Variants in TET1 observed in about 807,000 individuals in gnomAD.
TET1 encodes the protein tet methylcytosine dioxygenase 1.
In TET1, 13 loss-of-function variants were observed where a neutral mutation model predicts 148.7. The observed-to-expected ratio is 0.09, with a 90% confidence interval of 0.06 to 0.14. The LOEUF (loss-of-function observed/expected upper bound fraction) is 0.14. TET1 is among the 10% of genes least tolerant of loss of function. TET1 has a pLI of 1.00. For missense variants in TET1, 2,182 were observed against 2,553.8 expected (o/e 0.85, Z 3.14); for synonymous variants, 907 against 937.2 (o/e 0.97, Z 0.59).
rs2053696153 is a variant in TET1, at chr10:68,573,669, A to G, written c.1331A>G (p.Asn444Ser). 2 of 1,613,982 alleles carry G rather than the reference A, an allele frequency of 1.2e-6. No homozygotes were observed. The highest frequency in any genetic ancestry group is 1.7e-6 in the Non-Finnish European group (2 of 1,180,004). ...PVPPNPIATF[N>S]APSKWPEPQS... ...CCTCCAAATCCAATTGCTACCTTTA[A>G]TGCTCCTTCCAAATGGCCTGAGCCC... is the stretch of plus-strand genomic sequence containing the variant. Residue 444 changes from asparagine to serine, a missense_variant, in exon 2 of 12, where the codon AAT becomes AGT. By Grantham distance (46) the Asn-to-Ser change is conservative. Transcript: ENST00000373644.
At chr10:68,673,935 C>CTTTTTTTTTTTTTT (rs11381293) in intron 8 of TET1, among the ~76,000 whole-genome samples, 3 of 120,272 alleles carry the variant, frequency 2.5e-5, no homozygotes, top group African/African-American at 9.3e-5. Context: ...CTTTCTTTTT[C>CTTTTTTTTTTTTTT]TTTTTTTTTT....
intron 6 of TET1, among the ~76,000 whole-genome samples, chr10:68,655,822 C>A (rs1294062771): frequency 2.6e-5 from 4 of 152,114 alleles, no homozygotes; most frequent in Admixed American, 6.5e-5. Context: ...GACTCCAACC[C>A]CTGAGCCATG....
At chr10:68,597,467 A>T (rs2054002187) in intron 2 of TET1, among the ~76,000 whole-genome samples, 1 of 152,236 alleles carries the variant, frequency 6.6e-6, no homozygotes, top group South Asian at 2.1e-4. Context: ...CATAATGTGT[A>T]ACTGAAATGC....
chr10:68,629,746 C>G (rs1363033345), intron 3 of TET1, among the ~76,000 whole-genome samples: 2 of 152,130 alleles, frequency 1.3e-5, no homozygotes, highest in East Asian at 3.9e-4. Flanking sequence ...CCATGTTGGC[C>G]AGGATGGTCT....
chr10:68,591,906 AAAAC>A (rs371466447), intron 2 of TET1, among the ~76,000 whole-genome samples: 10,227 of 151,586 alleles, frequency 0.067, 411 homozygotes, highest in Non-Finnish European at 0.082. Flanking sequence ...CTCCCTCTCA[AAAAC>A]AAACAAACAA....
intron 3 of TET1, among the ~76,000 whole-genome samples, chr10:68,616,234 C>T (rs2664421): frequency 0.22 from 32,720 of 151,970 alleles, 3,777 homozygotes; most frequent in South Asian, 0.32. Flanking sequence ...GTAATTCAGA[C>T]GCTCATTATG....
rs200074832 is a variant in TET1, at chr10:68,691,125, G to T, written c.5722G>T (p.Ala1908Ser). Residue 1908 changes from alanine to serine, a missense_variant, in exon 12 of 12, where the codon GCT (alanine) becomes TCT (serine). Around this residue, in one of 11 missense-constraint regions of TET1, gnomAD observed 380 missense variants for 387.9 expected, o/e 0.98. Transcript: ENST00000373644. This position sits in a 1 kb window ranked among gnomAD's most constrained non-coding sequence, Gnocchi z 4.4. ...GPGISQLGEV[A>S]PLPTLSAPVM... Reference sequence around the variant, plus strand: ...TGGCATTTCACAGCTTGGCGAAGTGGCTCCTCTCCCCACCCTGTCTGCTCC... The same window carrying T: ...TGGCATTTCACAGCTTGGCGAAGTGTCTCCTCTCCCCACCCTGTCTGCTCC... The T allele has an allele frequency of 1.7e-5, 28 of 1,614,192 alleles. No homozygotes were observed. In the African/African-American group the frequency reaches 2.8e-4, roughly 16 times the overall value.
chr10:68,674,218 G>C (rs536698763), intron 8 of TET1: 1 of 153,504 alleles, frequency 6.5e-6, no homozygotes, highest in South Asian at 2.0e-4. Context: ...TGTAGTCCCA[G>C]CTACTAAGGA....
chr10:68,685,327 G>A (rs1169917939), intron 10 of TET1, among the ~76,000 whole-genome samples: 2 of 151,990 alleles, frequency 1.3e-5, no homozygotes, highest in Non-Finnish European at 2.9e-5. Flanking sequence ...AAAATGCTTT[G>A]GAAATCAAAT....
intron 3 of TET1, among the ~76,000 whole-genome samples, chr10:68,621,371 C>T (rs2054368616): frequency 6.6e-6 from 1 of 152,010 alleles, no homozygotes; most frequent in African/African-American, 2.4e-5. Context: ...GCCTCCTGAG[C>T]TCAGGAGTTT....
chr10:68,623,709 G>GT (rs1193887243), intron 3 of TET1, among the ~76,000 whole-genome samples: 1 of 152,218 alleles, frequency 6.6e-6, no homozygotes, highest in African/African-American at 2.4e-5. Context: ...GGTAAAGTGT[G>GT]TAGAAATTCA....
rs1344337914 is a variant in TET1, at chr10:68,568,098, G to C, written c.-122-4119G>C. Among the ~76,000 whole-genome samples the C allele has an allele frequency of 2.0e-5, 3 of 151,772 alleles. No individual in the cohort carries two copies. The East Asian group carries it at 5.8e-4, about 30-fold the overall frequency. On this transcript the variant is annotated intron_variant, in intron 1 of 11. Transcript: ENST00000373644. Reference sequence around the variant, plus strand: ...TCTCCATGTTGGTCAAGCTGCTCTCGAACTCCCAACCTCAGGTGATCCACC... The same window carrying C: ...TCTCCATGTTGGTCAAGCTGCTCTCCAACTCCCAACCTCAGGTGATCCACC...
intron 2 of TET1, among the ~76,000 whole-genome samples, chr10:68,598,969 G>A (rs1166332295): frequency 6.6e-6 from 1 of 152,102 alleles, no homozygotes; most frequent in African/African-American, 2.4e-5. Flanking sequence ...TTACAGGCGT[G>A]AGCCACTGTG....
In TET1 at chr10:68,584,079, G is replaced by A. The variant is rs370805760; in HGVS notation, c.1914+9827G>A. Among the ~76,000 whole-genome samples the A allele has an allele frequency of 2.5e-3, 366 of 149,310 alleles. 2 individuals carry two copies. Among genetic ancestry groups the A allele is most frequent in the African/African-American group, 8.5e-3 (345 of 40,580 alleles). ...TTTTTTGAGACAGTCTTGCTTTGTC[G>A]CCCAGGCTAGAATGCGGTGGCGCGA... On this transcript the variant is annotated intron_variant, in intron 2 of 11. Coordinates refer to ENST00000373644, the MANE Select transcript of TET1 (RefSeq NM_030625.3).
chr10:68,673,935 C>CTTTTTTTTTTTTTTTTTTTTTTTTTTTTT (rs11381293), intron 8 of TET1, among the ~76,000 whole-genome samples: 5 of 120,284 alleles, frequency 4.2e-5, no homozygotes, highest in East Asian at 2.4e-4. Flanking sequence ...CTTTCTTTTT[C>CTTTTTTTTTTTTTTTTTTTTTTTTTTTTT]TTTTTTTTTT....
intron 3 of TET1, among the ~76,000 whole-genome samples, chr10:68,631,382 A>G (rs975530847): frequency 6.6e-6 from 1 of 150,606 alleles, no homozygotes; most frequent in African/African-American, 2.4e-5. Flanking sequence ...AAATGGTGCA[A>G]TGTGGTAGGG....
intron 4 of TET1, among the ~76,000 whole-genome samples, chr10:68,649,324 T>C (rs146719891): frequency 1.3e-3 from 203 of 152,274 alleles, no homozygotes; most frequent in African/African-American, 4.2e-3. Context: ...AGAACACTTT[T>C]CGGCTGGGTG....
intron 2 of TET1, among the ~76,000 whole-genome samples, chr10:68,575,760 A>G (rs2053722408): frequency 1.3e-5 from 2 of 151,714 alleles, no homozygotes; most frequent in South Asian, 4.2e-4. Context: ...GGTGGCTCAC[A>G]CCTGTAATCC....
chr10:68,638,702 A>C, intron 3 of TET1, among the ~76,000 whole-genome samples: 1 of 150,770 alleles, frequency 6.6e-6, no homozygotes, highest in East Asian at 1.9e-4. Context: ...CTGTTTCTTT[A>C]TGGGTTGTTG....
Sources: gnomAD v4.1 joint callset for allele counts (sites outside exome capture counted in the v4.1 genomes callset) on GRCh38, gnomAD v4.1.1 for gene constraint, gnomAD v4.1.1 regional missense constraint, Gnocchi (gnomAD v3.1) non-coding constraint, MANE v1.5 for transcripts, NCBI Gene and HGNC (gene_info 2026-07-23, HGNC 2026-07-21) for gene names.